Variants in ERBB4 observed in about 807,000 individuals in gnomAD.
ERBB4 encodes receptor tyrosine-protein kinase erbB-4.
A neutral mutation model predicts 158.0 loss-of-function variants in ERBB4; 42 were observed. That is an observed-to-expected ratio of 0.27 (90% CI 0.21 to 0.34). The LOEUF (loss-of-function observed/expected upper bound fraction) is 0.34. Ranked by LOEUF, ERBB4 falls within the 10% of genes least tolerant of loss-of-function variation. ERBB4 has a pLI of 1.00. For missense variants in ERBB4, 1,333 were observed against 1,624.1 expected (o/e 0.82, Z 3.08); for synonymous variants, 583 against 558.7 (o/e 1.04, Z -0.61).
At chr2:211,820,088 T>C (rs977325577) in intron 3 of ERBB4, among the ~76,000 whole-genome samples, 1 of 151,970 alleles carries the variant, frequency 6.6e-6, no homozygotes, top group East Asian at 1.9e-4. Context: ...ATTCTAATGG[T>C]TAATTGAGTA....
At chr2:211,731,240 T>C (rs1324950625) in intron 5 of ERBB4, among the ~76,000 whole-genome samples, 2 of 152,158 alleles carry the variant, frequency 1.3e-5, no homozygotes, top group Non-Finnish European at 2.9e-5. Flanking sequence ...TTTTAAAGCA[T>C]ATTTATTTTA....
At chr2:211,879,564 A>C (rs2078605725) in intron 3 of ERBB4, among the ~76,000 whole-genome samples, 1 of 152,226 alleles carries the variant, frequency 6.6e-6, no homozygotes, top group African/African-American at 2.4e-5. Context: ...AGGATAAATT[A>C]ACAAAACTTT....
intron 20 of ERBB4, among the ~76,000 whole-genome samples, chr2:211,532,653 G>A (rs767410834): frequency 1.3e-5 from 2 of 151,952 alleles, no homozygotes; most frequent in Non-Finnish European, 2.9e-5. Flanking sequence ...GATGGAAAGT[G>A]AGACAATTTT....
chr2:212,102,586 T>G (rs1157486326), intron 2 of ERBB4, among the ~76,000 whole-genome samples: 2 of 152,140 alleles, frequency 1.3e-5, no homozygotes, highest in African/African-American at 2.4e-5. Flanking sequence ...ACAATAGACA[T>G]GGATAACCAT....
At chr2:211,480,665 G>A (rs1327960252) in intron 20 of ERBB4, among the ~76,000 whole-genome samples, 1 of 152,134 alleles carries the variant, frequency 6.6e-6, no homozygotes, top group African/African-American at 2.4e-5. Flanking sequence ...ACTTGGGTAT[G>A]AGGAATCTGG....
chr2:211,847,580 C>G (rs2077620627), intron 3 of ERBB4, among the ~76,000 whole-genome samples: 1 of 152,106 alleles, frequency 6.6e-6, no homozygotes, highest in Non-Finnish European at 1.5e-5. Context: ...TGGCCCAGAA[C>G]AGCTTTGAAT....
chr2:212,097,970 T>C (rs976479037), intron 2 of ERBB4, among the ~76,000 whole-genome samples: 1 of 152,142 alleles, frequency 6.6e-6, no homozygotes, highest in Non-Finnish European at 1.5e-5. Flanking sequence ...AAGATATATA[T>C]GGGTTTGAGG....
chr2:211,606,127 T>G (rs890077675), intron 19 of ERBB4, among the ~76,000 whole-genome samples: 1 of 152,092 alleles, frequency 6.6e-6, no homozygotes, highest in Non-Finnish European at 1.5e-5. Flanking sequence ...AATAAAAGAA[T>G]GATAATCTAA....
intron 5 of ERBB4, among the ~76,000 whole-genome samples, chr2:211,749,271 T>C (rs2075060244): frequency 6.6e-6 from 1 of 152,182 alleles, no homozygotes; most frequent in African/African-American, 2.4e-5. Flanking sequence ...AATCCACATG[T>C]CTATGACCCT....
intron 1 of ERBB4, among the ~76,000 whole-genome samples, chr2:212,422,674 C>G (rs2091822743): frequency 6.6e-6 from 1 of 152,210 alleles, no homozygotes; most frequent in Non-Finnish European, 1.5e-5. Context: ...GAGCGAAGCT[C>G]TTATGGAGTT....
chr2:212,133,423 GTT>G (rs376496983), intron 1 of ERBB4, among the ~76,000 whole-genome samples: 6 of 132,016 alleles, frequency 4.5e-5, no homozygotes, highest in South Asian at 2.4e-4. Context: ...TTTTGTTTTT[GTT>G]TTTTTTTTTG....
chr2:212,446,622 T>TATATATATAC (rs2092361043), intron 1 of ERBB4, among the ~76,000 whole-genome samples: 1 of 83,752 alleles, frequency 1.2e-5, no homozygotes, highest in Admixed American at 1.3e-4. Flanking sequence ...TATATATATA[T>TATATATATAC]ATATATATAT....
intron 5 of ERBB4, among the ~76,000 whole-genome samples, chr2:211,748,026 TA>T (rs1219670636): frequency 6.6e-6 from 1 of 151,766 alleles, no homozygotes; most frequent in African/African-American, 2.4e-5. Flanking sequence ...AAATGCTACG[TA>T]AATAGATGTT....
intron 12 of ERBB4, among the ~76,000 whole-genome samples, chr2:211,700,128 G>A (rs1028527939): frequency 3.3e-5 from 5 of 152,052 alleles, no homozygotes; most frequent in Non-Finnish European, 7.4e-5. Context: ...GGATGTGGAA[G>A]GAAACGAGAG....
At chr2:211,651,048 A>T (rs138063006) in intron 16 of ERBB4, among the ~76,000 whole-genome samples, 1 of 152,296 alleles carries the variant, frequency 6.6e-6, no homozygotes, top group East Asian at 1.9e-4. Context: ...ATTTTATATT[A>T]ACCAGGGAGT....
intron 20 of ERBB4, among the ~76,000 whole-genome samples, chr2:211,515,872 T>A (rs951053694): frequency 6.9e-6 from 1 of 144,222 alleles, no homozygotes; most frequent in Non-Finnish European, 1.5e-5. Context: ...AGTGACTGTT[T>A]AGTAACTTAT....
intron 19 of ERBB4, among the ~76,000 whole-genome samples, chr2:211,611,309 G>C (rs1178442063): frequency 6.6e-6 from 1 of 151,736 alleles, no homozygotes; most frequent in Non-Finnish European, 1.5e-5. Context: ...TAATTCTGTA[G>C]GACAGAAAAA....
chr2:211,983,345 TCA>T (rs2081855644), intron 2 of ERBB4, among the ~76,000 whole-genome samples: 1 of 152,196 alleles, frequency 6.6e-6, no homozygotes, highest in Non-Finnish European at 1.5e-5. Flanking sequence ...TGGTTGACTC[TCA>T]CATTTCCAGA....
In ERBB4 at chr2:211,839,150, AGAAGGAGGAGGAGGAGGAGGAGGAGG is replaced by A. The variant is rs2077410124; in HGVS notation, c.422-51017_422-50992del. 6.8e-5 allele frequency among the ~76,000 whole-genome samples: 6 copies of A among 88,642 alleles called. No individual in the cohort carries two copies. The South Asian group carries it at 3.0e-3, about 45-fold the overall frequency. The allele number at this position is 88,642 out of a possible 152,430, so 58.2% of individuals were successfully genotyped here. On this transcript the variant is annotated intron_variant, in intron 3 of 27. Coordinates refer to ENST00000342788, the MANE Select transcript of ERBB4 (RefSeq NM_005235.3). ...GAGAGAGAGGGAGAGAGGGAGAGAG[AGAAGGAGGAGGAGGAGGAGGAGGAGG>A]AGGAGGAGGAGGAGGAGGGAAAGAA...
Sources: gnomAD v4.1 joint callset for allele counts (sites outside exome capture counted in the v4.1 genomes callset) on GRCh38, gnomAD v4.1.1 for gene constraint, MANE v1.5 for transcripts, NCBI Gene and HGNC (gene_info 2026-07-23, HGNC 2026-07-21) for gene names.